The following RPIA variants were observed in gnomAD, a reference collection of about 807,000 sequenced individuals.
RPIA encodes ribose 5-phosphate isomerase A, also known as ribose-5-phosphate isomerase.
In RPIA, 29 loss-of-function variants were observed where a neutral mutation model predicts 37.8. The observed-to-expected ratio is 0.77, with a 90% CI of 0.57 to 1.05. The LOEUF is 1.05. RPIA is among the 50% of genes least tolerant of loss of function. The pLI, the probability that RPIA is intolerant of heterozygous loss-of-function variation, is 0.00. For synonymous variants in RPIA, 167 were observed against 157.0 expected (o/e 1.06, Z -0.48); for missense variants, 385 against 413.6 (o/e 0.93, Z 0.60).
intron 1 of RPIA, among the ~76,000 whole-genome samples, chr2:88,695,518 G>A (rs1672725971): frequency 1.3e-5 from 2 of 152,190 alleles, no homozygotes; most frequent in African/African-American, 4.8e-5. Flanking sequence ...AGAGGAAAAA[G>A]TTTGAGTTTT....
At chr2:88,735,354 C>T (rs942454070) in intron 5 of RPIA, among the ~76,000 whole-genome samples, 1 of 152,156 alleles carries the variant, frequency 6.6e-6, no homozygotes, top group Non-Finnish European at 1.5e-5. Flanking sequence ...GCTTCTAGAC[C>T]CTCCCATTCA....
chr2:88,704,246 A>G (rs961107459), intron 3 of RPIA, among the ~76,000 whole-genome samples: 2 of 152,184 alleles, frequency 1.3e-5, no homozygotes, highest in Non-Finnish European at 2.9e-5. Context: ...CTCTGCTGGT[A>G]CCAACATACT....
chr2:88,713,147 G>C (rs1479297864), intron 3 of RPIA, among the ~76,000 whole-genome samples: 1 of 61,320 alleles, frequency 1.6e-5, no homozygotes, highest in African/African-American at 7.3e-5. Flanking sequence ...CAAGCTACGA[G>C]TAGGCCTTTT....
chr2:88,695,204 C>T (rs939507420), intron 1 of RPIA, among the ~76,000 whole-genome samples: 3 of 152,102 alleles, frequency 2.0e-5, no homozygotes, highest in African/African-American at 7.2e-5. Context: ...GTTCTGTGAG[C>T]CACTCTAGCA....
At chr2:88,714,383 G>T (rs780982398) in intron 3 of RPIA, among the ~76,000 whole-genome samples, 1 of 152,108 alleles carries the variant, frequency 6.6e-6, no homozygotes. Context: ...TGTTGGCCAG[G>T]CTGGTCTCGA....
In RPIA at chr2:88,703,426, G is replaced by C. The variant is rs182410622; in HGVS notation, c.402+3362G>C. Among the ~76,000 whole-genome samples, 37 of 152,354 alleles carry C rather than the reference G, an allele frequency of 2.4e-4. 1 individual carries two copies. On this transcript the variant is annotated intron_variant, in intron 3 of 8. Transcript: ENST00000283646. ...TACATCTTCTGAAATCTAGACAGAG[G>C]TTCCCAAACCTCAATTCTTGACTTC...
intron 5 of RPIA, 90 bp downstream of exon 5, chr2:88,734,706 T>G: frequency 7.6e-7 from 1 of 1,319,364 alleles, no homozygotes; most frequent in Non-Finnish European, 1.1e-6. Context: ...AAATTGCCAC[T>G]GTGACATATG....
At chr2:88,709,190 T>G (rs1456012569) in intron 3 of RPIA, among the ~76,000 whole-genome samples, 1 of 152,216 alleles carries the variant, frequency 6.6e-6, no homozygotes, top group Non-Finnish European at 1.5e-5. Flanking sequence ...GTAAAATGAG[T>G]TCTTCTATCG....
chr2:88,695,462 T>A (rs1672723446), intron 1 of RPIA, among the ~76,000 whole-genome samples: 1 of 152,236 alleles, frequency 6.6e-6, no homozygotes, highest in Non-Finnish European at 1.5e-5. Context: ...CCCATACATT[T>A]GATCACAGAA....
intron 3 of RPIA, among the ~76,000 whole-genome samples, chr2:88,717,238 GGTCCC>G (rs1216638348): frequency 3.3e-5 from 5 of 152,192 alleles, no homozygotes; most frequent in African/African-American, 1.2e-4. Flanking sequence ...ATGTGAGATA[GGTCCC>G]AGGTAATTTA....
intron 6 of RPIA, 142 bp downstream of exon 6, chr2:88,735,879 G>A: frequency 1.2e-6 from 1 of 822,522 alleles, no homozygotes. Context: ...TTAGTACAGT[G>A]TCTAGGAGAC....
intron 3 of RPIA, among the ~76,000 whole-genome samples, chr2:88,716,422 T>C (rs1558692722): frequency 6.6e-6 from 1 of 152,142 alleles, no homozygotes; most frequent in East Asian, 1.9e-4. Flanking sequence ...CTTGGCAAAA[T>C]AAACTTTCTA....
At chr2:88,726,450 C>T (rs1269899116) in intron 3 of RPIA, among the ~76,000 whole-genome samples, 2 of 151,760 alleles carry the variant, frequency 1.3e-5, no homozygotes, top group African/African-American at 4.8e-5. Flanking sequence ...CCAGTGTGAC[C>T]CAGGGAAACC....
chr2:88,694,084 T>C (rs1393769318), intron 1 of RPIA, among the ~76,000 whole-genome samples: 1 of 152,268 alleles, frequency 6.6e-6, no homozygotes, highest in East Asian at 1.9e-4. Flanking sequence ...AGTGAAGTTC[T>C]GATGTTGCAC....
intron 3 of RPIA, among the ~76,000 whole-genome samples, chr2:88,704,266 T>C (rs1672871922): frequency 6.6e-6 from 1 of 152,226 alleles, no homozygotes; most frequent in Non-Finnish European, 1.5e-5. Flanking sequence ...TGTGTTAGTC[T>C]GTTTTCACGC....
At chr2:88,695,929 ATT>A (rs397947029) in intron 1 of RPIA, among the ~76,000 whole-genome samples, 1 of 144,478 alleles carries the variant, frequency 6.9e-6, no homozygotes. Flanking sequence ...TTAGTATTTG[ATT>A]TTTTTTTTTT....
At chr2:88,739,910 C>T (rs535332409) in intron 8 of RPIA, among the ~76,000 whole-genome samples, 4 of 152,250 alleles carry the variant, frequency 2.6e-5, no homozygotes, top group Non-Finnish European at 1.5e-5. Context: ...TGCCTGGCCC[C>T]AATTCTACTT....
intron 1 of RPIA, 122 bp downstream of exon 1, chr2:88,692,105 G>C (rs964595480): frequency 2.5e-5 from 31 of 1,264,202 alleles, no homozygotes; most frequent in Non-Finnish European, 3.3e-5. Flanking sequence ...GAGTGAGAGG[G>C]TAGAGGGTGT....
intron 3 of RPIA, among the ~76,000 whole-genome samples, chr2:88,704,272 C>G (rs781003878): frequency 3.3e-5 from 5 of 152,186 alleles, no homozygotes; most frequent in African/African-American, 7.2e-5. Context: ...AGTCTGTTTT[C>G]ACGCAGCTGA....
Sources: allele counts gnomAD v4.1 joint callset (sites outside exome capture counted in the v4.1 genomes callset), GRCh38; gene constraint gnomAD v4.1.1; transcripts MANE v1.5; gene names NCBI Gene and HGNC (gene_info 2026-07-23, HGNC 2026-07-21).